DNAH12: variants seen among roughly 807,000 people sequenced by gnomAD.
The protein encoded by DNAH12 is dynein axonemal heavy chain 12.
A neutral mutation model predicts 371.5 loss-of-function variants in DNAH12; 285 were observed. That is an observed-to-expected ratio of 0.77 (90% CI 0.70 to 0.85). The LOEUF is 0.85. DNAH12 is among the 40% of genes least tolerant of loss of function. DNAH12 has a pLI of 0.00. For synonymous variants in DNAH12, 1,200 were observed against 1,213.0 expected, an observed-to-expected ratio of 0.99 and a Z score of 0.22; for missense variants, 3,611 against 3,689.4, an observed-to-expected ratio of 0.98 and a Z score of 0.55.
At chr3:57,551,349 G>A in the DNAH12 span, among the ~76,000 whole-genome samples, 1 of 151,820 alleles carries the variant, frequency 6.6e-6, no homozygotes. Context: ...TCGGCTCACT[G>A]CAAGCTCCGC....
At chr3:57,414,116 T>G (rs1217627924) in intron 38 of DNAH12, among the ~76,000 whole-genome samples, 1 of 151,328 alleles carries the variant, frequency 6.6e-6, no homozygotes. Context: ...AAAAAAAGTT[T>G]AAGTTTCTGT....
At chr3:57,405,218 TG>T (rs2063987487) in intron 41 of DNAH12, 71 bp from the exon 42 acceptor site, 1 of 1,363,050 alleles carries the variant, frequency 7.3e-7, no homozygotes, top group East Asian at 2.7e-5. Context: ...ACAAAATTTT[TG>T]TTTCATCCAT....
In DNAH12 at chr3:57,322,411, G is replaced by A. The variant is rs2061828691; in HGVS notation, c.10456C>T (p.Leu3486Phe). 6.4e-7 allele frequency: 1 copy of A among 1,552,166 alleles called. No homozygotes were observed. Among genetic ancestry groups the A allele is most frequent in the Non-Finnish European group, 8.7e-7 (1 of 1,147,102 alleles). The change falls in exon 65 of 74, where the codon CTT becomes TTT. Residue 3486 changes from leucine to phenylalanine, a missense_variant. Leu to Phe is a conservative substitution (Grantham distance 22). Coordinates refer to ENST00000495027, the MANE Select transcript of DNAH12 (RefSeq NM_001366028.2). ...EPPTGLRLNL[L>F]QSYLTDPVSD... is the part of the protein sequence containing the mutation. The stretch of plus-strand genomic sequence containing the variant: ...ACTGGATCAGTGAGATATGATTGAA[G>A]GAGATTCAGCCGAAGACCCGTGGGA...
At chr3:57,406,356 C>CAAAAAAA (rs782271639) in intron 40 of DNAH12, among the ~76,000 whole-genome samples, 9 of 96,052 alleles carry the variant, frequency 9.4e-5, no homozygotes, top group South Asian at 3.1e-4. Context: ...GATTCTGCCT[C>CAAAAAAA]AAAAAAAAAA....
intron 43 of DNAH12, among the ~76,000 whole-genome samples, chr3:57,394,636 C>A (rs1368524970): frequency 6.6e-6 from 1 of 152,132 alleles, no homozygotes; most frequent in Non-Finnish European, 1.5e-5. Flanking sequence ...CAGAGAGAAT[C>A]CTGGCTGTTC....
At chr3:57,301,967 C>T (rs1212694025) in intron 69 of DNAH12, 28 bp from the exon 70 acceptor site, 7 of 1,535,956 alleles carry the variant, frequency 4.6e-6, no homozygotes, top group African/African-American at 1.4e-5. Flanking sequence ...ATGTCATCAA[C>T]ATATATGATG....
chr3:57,449,161 T>C (rs994486670), intron 25 of DNAH12, among the ~76,000 whole-genome samples: 3 of 149,714 alleles, frequency 2.0e-5, no homozygotes, highest in Non-Finnish European at 3.0e-5. Context: ...TACAGAGTGT[T>C]GATTGGTGCA....
Position 57,457,794 on chromosome 3 carries a change from A to G in DNAH12, c.3263T>C (p.Val1088Ala), listed in dbSNP as rs773598476. 3.5e-5 allele frequency: 54 copies of G among 1,551,386 alleles called. No homozygotes were observed. Among genetic ancestry groups the G allele is most frequent in the Non-Finnish European group, 3.0e-5 (34 of 1,146,972 alleles). Reference sequence around the variant, plus strand: ...TTCCACTTGAATGAGCCACTTTTCCACAGCACCCCGCGCTGCAGACGTGGA... The same window carrying G: ...TTCCACTTGAATGAGCCACTTTTCCGCAGCACCCCGCGCTGCAGACGTGGA... The part of the protein sequence containing the change: ...LISTSAARGA[V>A]EKWLIQVEDL... Residue 1088 changes from valine (V) to alanine (A), a missense_variant, in exon 22 of 74, where the codon GTG (valine) becomes GCG (alanine). Coordinates refer to ENST00000495027, the MANE Select transcript of DNAH12 (RefSeq NM_001366028.2).
At chr3:57,418,779 T>C (rs948015284) in intron 37 of DNAH12, among the ~76,000 whole-genome samples, 1 of 152,184 alleles carries the variant, frequency 6.6e-6, no homozygotes, top group African/African-American at 2.4e-5. Flanking sequence ...TATAAACTTG[T>C]CTAGTTTAAA....
intron 45 of DNAH12, among the ~76,000 whole-genome samples, chr3:57,389,839 T>TATATAAAA (rs1326237791): frequency 7.1e-5 from 6 of 84,894 alleles, no homozygotes; most frequent in East Asian, 1.5e-3. Flanking sequence ...TATATATATA[T>TATATAAAA]AATACTTTTT....
Position 57,356,927 on chromosome 3 carries a change from G to C in DNAH12, c.9533+249C>G, listed in dbSNP as rs2062814690. 2.0e-5 allele frequency among the ~76,000 whole-genome samples: 3 copies of C among 151,788 alleles called. No individual in the cohort carries two copies. The South Asian group carries it at 6.3e-4, about 32-fold the overall frequency. Reference sequence around the variant, plus strand: ...CTGGCTAATTTTTGTATTTTTAGTAGATATGGGGTTTCATCATGTTGGCCA... The same window carrying C: ...CTGGCTAATTTTTGTATTTTTAGTACATATGGGGTTTCATCATGTTGGCCA... On this transcript the variant is annotated intron_variant, in intron 59 of 73. Coordinates refer to ENST00000495027, the MANE Select transcript of DNAH12 (RefSeq NM_001366028.2).
chr3:57,309,655 C>T lies in DNAH12; in HGVS notation c.11085+11G>A, dbSNP rs1330035358. The stretch of plus-strand genomic sequence containing the variant: ...TATATTATAAGTAACATATTTTAAG[C>T]TGAACATTACCTTGTTGAGGATATC... On this transcript the variant is annotated intron_variant, in intron 68 of 73. Transcript: ENST00000495027. 8 of 1,477,346 alleles carry T rather than the reference C, an allele frequency of 5.4e-6. No homozygotes were observed. Among genetic ancestry groups the T allele is most frequent in the Non-Finnish European group, 7.2e-6 (8 of 1,115,438 alleles). The allele number at this position is 1,477,346 out of a possible 1,614,324, so 91.5% of individuals were successfully genotyped here.
At chr3:57,430,829 G>A (rs530303936) in intron 32 of DNAH12, among the ~76,000 whole-genome samples, 5 of 152,236 alleles carry the variant, frequency 3.3e-5, no homozygotes, top group Non-Finnish European at 7.4e-5. Flanking sequence ...TAACATTTGT[G>A]GATTCCGTTT....
intron 33 of DNAH12, 104 bp from the exon 34 acceptor site, chr3:57,428,925 G>A: frequency 1.7e-6 from 2 of 1,148,556 alleles, no homozygotes; most frequent in African/African-American, 3.1e-5. Flanking sequence ...TTATAATCTA[G>A]CTCCCATCTG....
At chr3:57,300,255 G>T (rs1357160276) in intron 70 of DNAH12, among the ~76,000 whole-genome samples, 2 of 152,150 alleles carry the variant, frequency 1.3e-5, no homozygotes, top group African/African-American at 4.8e-5. Flanking sequence ...CCAGTCAGTT[G>T]CACCCAAGAC....
intron 43 of DNAH12, among the ~76,000 whole-genome samples, chr3:57,399,771 G>A (rs2063818688): frequency 1.3e-5 from 2 of 152,130 alleles, no homozygotes; most frequent in African/African-American, 4.8e-5. Flanking sequence ...AGATCGTGAG[G>A]ATGAAGACCT....
At chr3:57,547,998 A>C (rs1436338462), upstream of DNAH12, among the ~76,000 whole-genome samples, 1 of 152,232 alleles carries the variant, frequency 6.6e-6, no homozygotes, top group Non-Finnish European at 1.5e-5. Flanking sequence ...TTTAGAAAAA[A>C]CATTAGAATA....
intron 43 of DNAH12, among the ~76,000 whole-genome samples, chr3:57,399,737 T>TCATCCTCAG (rs1311974042): frequency 1.3e-5 from 2 of 152,172 alleles, no homozygotes; most frequent in African/African-American, 4.8e-5. Context: ...TTCGTCCTCT[T>TCATCCTCAG]CATCCTCAGC....
At chr3:57,430,905 C>T (rs956649504) in intron 32 of DNAH12, among the ~76,000 whole-genome samples, 45 of 152,216 alleles carry the variant, frequency 3.0e-4, no homozygotes, top group African/African-American at 1.0e-3. Flanking sequence ...CCATATGTGG[C>T]TATTTATATT....
Sources: allele counts gnomAD v4.1 joint callset (sites outside exome capture counted in the v4.1 genomes callset), GRCh38; gene constraint gnomAD v4.1.1; transcripts MANE v1.5; gene names NCBI Gene and HGNC (gene_info 2026-07-23, HGNC 2026-07-21).